LRRC4C: variants seen among roughly 807,000 people sequenced by gnomAD.
LRRC4C encodes leucine-rich repeat-containing protein 4C.
LRRC4C carries 5 observed loss-of-function variants against 33.6 expected under a neutral mutation model. The observed-to-expected ratio is 0.15, with a 90% confidence interval of 0.08 to 0.31. The LOEUF is 0.31. Among genes scored for constraint, LRRC4C ranks in the 10% least tolerant of loss-of-function variants. The pLI is 1.00. For missense variants in LRRC4C, 560 were observed against 796.7 expected (o/e 0.70, Z 3.58); for synonymous variants, 329 against 302.0 (o/e 1.09, Z -0.93).
At chr11:40,461,708 CTT>C (rs1211173183) in intron 3 of LRRC4C, among the ~76,000 whole-genome samples, 1 of 148,118 alleles carries the variant, frequency 6.8e-6, no homozygotes, top group Non-Finnish European at 1.5e-5. Context: ...TTTATTATAT[CTT>C]ATACATATAA....
At chr11:41,135,581 T>C (rs997287138) in intron 1 of LRRC4C, among the ~76,000 whole-genome samples, 1 of 152,218 alleles carries the variant, frequency 6.6e-6, no homozygotes, top group Non-Finnish European at 1.5e-5. Flanking sequence ...CCACATAGGC[T>C]ACATATACAT....
chr11:41,150,872 A>C lies in LRRC4C; in HGVS notation c.-495-217149T>G, dbSNP rs915408647. On this transcript the variant is annotated intron_variant, in intron 1 of 6. Coordinates refer to ENST00000528697, the MANE Select transcript of LRRC4C (RefSeq NM_001258419.2). ...TTTTTCCTTAGTAGGAAAGCAAAAT[A>C]TTGTTTTTCAAAAGAGACAGAGAAA... is the stretch of plus-strand genomic sequence containing the variant. 2.0e-5 allele frequency among the ~76,000 whole-genome samples: 3 copies of C among 152,156 alleles called. No individual in the cohort carries two copies. The East Asian group carries it at 5.8e-4, about 29-fold the overall frequency.
intron 1 of LRRC4C, among the ~76,000 whole-genome samples, chr11:41,455,795 A>G (rs1046616911): frequency 2.0e-5 from 3 of 152,168 alleles, no homozygotes; most frequent in Admixed American, 6.6e-5. Context: ...ATTATATAGG[A>G]AGAAATCAAG....
chr11:40,885,653 T>C (rs1257404580), intron 2 of LRRC4C, among the ~76,000 whole-genome samples: 1 of 152,084 alleles, frequency 6.6e-6, no homozygotes, highest in African/African-American at 2.4e-5. Context: ...ACAGGTATCG[T>C]ACTGAAAATA....
chr11:40,750,770 T>C (rs1026321468), intron 2 of LRRC4C, among the ~76,000 whole-genome samples: 5 of 150,926 alleles, frequency 3.3e-5, no homozygotes, highest in African/African-American at 9.8e-5. Flanking sequence ...ACCTGCACGT[T>C]GTGCACATGT....
intron 2 of LRRC4C, among the ~76,000 whole-genome samples, chr11:40,850,243 G>A (rs916905089): frequency 6.6e-6 from 1 of 151,916 alleles, no homozygotes; most frequent in African/African-American, 2.4e-5. Context: ...CAGCCTTTTT[G>A]TGCTGGTTTT....
chr11:41,340,404 G>A (rs978699498), intron 1 of LRRC4C, among the ~76,000 whole-genome samples: 3 of 152,116 alleles, frequency 2.0e-5, no homozygotes, highest in African/African-American at 7.2e-5. Context: ...GGGGCATAAG[G>A]CACCCTGAAT....
chr11:41,082,112 CTGAT>C (rs1294217348), intron 1 of LRRC4C, among the ~76,000 whole-genome samples: 5 of 152,118 alleles, frequency 3.3e-5, no homozygotes, highest in Non-Finnish European at 5.9e-5. Flanking sequence ...TGATTAGGCT[CTGAT>C]TGATGTGTGC....
intron 1 of LRRC4C, among the ~76,000 whole-genome samples, chr11:41,345,961 C>A (rs1195635423): frequency 8.7e-6 from 1 of 114,506 alleles, no homozygotes; most frequent in Non-Finnish European, 1.9e-5. Context: ...ATGGCCATAG[C>A]CTATACATAT....
intron 2 of LRRC4C, among the ~76,000 whole-genome samples, chr11:40,802,780 G>C (rs539724034): frequency 6.6e-6 from 1 of 152,046 alleles, no homozygotes; most frequent in African/African-American, 2.4e-5. Flanking sequence ...AATACATATG[G>C]GAAGAAGAAA....
chr11:40,629,048 A>G (rs1183255017), intron 3 of LRRC4C, among the ~76,000 whole-genome samples: 3 of 152,224 alleles, frequency 2.0e-5, no homozygotes, highest in Non-Finnish European at 4.4e-5. Flanking sequence ...GTTTCATCTT[A>G]AACATTTGAC....
At chr11:41,110,343 C>G (rs760482180) in intron 1 of LRRC4C, among the ~76,000 whole-genome samples, 1 of 151,958 alleles carries the variant, frequency 6.6e-6, no homozygotes, top group Non-Finnish European at 1.5e-5. Flanking sequence ...TACTTAAAAC[C>G]AGCCATTTTC....
intron 1 of LRRC4C, among the ~76,000 whole-genome samples, chr11:41,343,458 G>C (rs1055266834): frequency 3.9e-5 from 6 of 152,188 alleles, no homozygotes; most frequent in African/African-American, 1.4e-4. Context: ...GGCCATGTAT[G>C]CATGCTGAAA....
At chr11:41,131,627 C>T (rs1488933097) in intron 1 of LRRC4C, among the ~76,000 whole-genome samples, 1 of 151,968 alleles carries the variant, frequency 6.6e-6, no homozygotes, top group African/African-American at 2.4e-5. Context: ...AGGCTGAGAC[C>T]TACAGGGCTG....
At chr11:41,336,028 T>A (rs983778529) in intron 1 of LRRC4C, among the ~76,000 whole-genome samples, 1 of 152,200 alleles carries the variant, frequency 6.6e-6, no homozygotes, top group Admixed American at 6.5e-5. Flanking sequence ...TTTCTTATAT[T>A]TGAGTGTCTG....
intron 1 of LRRC4C, among the ~76,000 whole-genome samples, chr11:41,069,393 C>T (rs559690337): frequency 1.3e-5 from 2 of 152,080 alleles, no homozygotes; most frequent in African/African-American, 4.8e-5. Flanking sequence ...CACTCCTATT[C>T]AATTTAGTAT....
chr11:41,033,772 G>T (rs1856864634), intron 1 of LRRC4C, among the ~76,000 whole-genome samples: 1 of 151,958 alleles, frequency 6.6e-6, no homozygotes, highest in South Asian at 2.1e-4. Context: ...AAGATAATGT[G>T]TAAATACAAT....
intron 5 of LRRC4C, among the ~76,000 whole-genome samples, chr11:40,149,205 T>A (rs1857987406): frequency 1.3e-5 from 2 of 152,158 alleles, no homozygotes; most frequent in Admixed American, 6.6e-5. Context: ...TAAAATAATC[T>A]TTTCTAGTTC....
chr11:41,341,341 GA>G (rs1951631331), intron 1 of LRRC4C, among the ~76,000 whole-genome samples: 1 of 152,136 alleles, frequency 6.6e-6, no homozygotes, highest in African/African-American at 2.4e-5. Flanking sequence ...AGAATAAAAT[GA>G]CTTCTTTCCT....
Sources: allele counts gnomAD v4.1 joint callset (sites outside exome capture counted in the v4.1 genomes callset), GRCh38; gene constraint gnomAD v4.1.1; transcripts MANE v1.5; gene names NCBI Gene and HGNC (gene_info 2026-07-23, HGNC 2026-07-21).